Variants in LUC7L2 observed in about 807,000 individuals in gnomAD.
LUC7L2 encodes the protein putative RNA-binding protein Luc7-like 2.
LUC7L2 carries 25 observed loss-of-function variants against 52.8 expected under a neutral mutation model. The observed-to-expected ratio is 0.47, with a 90% CI of 0.34 to 0.66. The LOEUF (loss-of-function observed/expected upper bound fraction) is 0.66, where lower values mean the gene tolerates loss of function less well. Ranked by LOEUF, LUC7L2 falls within the 30% of genes least tolerant of loss-of-function variation. The pLI is 0.01. For synonymous variants in LUC7L2, 144 were observed against 160.9 expected, an observed-to-expected ratio of 0.89 and a Z score of 0.80; for missense variants, 328 against 497.8, an observed-to-expected ratio of 0.66 and a Z score of 3.25.
chr7:139,417,793 T>C (rs1795690952), intron 9 of LUC7L2, 64 bp downstream of exon 9: 21 of 1,527,876 alleles, frequency 1.4e-5, no homozygotes, highest in Non-Finnish European at 1.9e-5. Flanking sequence ...TTATGTTTAC[T>C]TATGTTACTT....
chr7:139,361,426 T>G (rs770016649), intron 1 of LUC7L2, among the ~76,000 whole-genome samples: 2 of 152,278 alleles, frequency 1.3e-5, no homozygotes, highest in African/African-American at 2.4e-5. Context: ...TTAATTTACA[T>G]GAGTGCTTTA....
chr7:139,353,965 A>C (rs1478445782), intron 1 of LUC7L2, among the ~76,000 whole-genome samples: 1 of 151,546 alleles, frequency 6.6e-6, no homozygotes, highest in Non-Finnish European at 1.5e-5. Flanking sequence ...AAATACAAAA[A>C]ATTAGCTGGG....
chr7:139,371,367 C>T (rs1305209035), intron 1 of LUC7L2: 2 of 837,652 alleles, frequency 2.4e-6, no homozygotes, highest in Non-Finnish European at 4.0e-6. Flanking sequence ...CAATACTAAA[C>T]TCAGTTCACT....
At chr7:139,371,209 A>G (rs1800434481) in intron 1 of LUC7L2, among the ~76,000 whole-genome samples, 1 of 152,170 alleles carries the variant, frequency 6.6e-6, no homozygotes, top group Non-Finnish European at 1.5e-5. Context: ...TGTTTTCCCT[A>G]AGCTAAGCTC....
chr7:139,415,056 T>A (rs1295762759), intron 8 of LUC7L2, among the ~76,000 whole-genome samples: 1 of 134,904 alleles, frequency 7.4e-6, no homozygotes, highest in African/African-American at 2.7e-5. Context: ...CCTGCTAAGT[T>A]TTTTTTTTTT....
chr7:139,397,880 T>G (rs1188814634), intron 2 of LUC7L2, among the ~76,000 whole-genome samples: 1 of 152,140 alleles, frequency 6.6e-6, no homozygotes, highest in Non-Finnish European at 1.5e-5. Flanking sequence ...TTATTATAAG[T>G]GGGATTAAAT....
Position 139,360,117 on chromosome 7 carries a change from C to T in LUC7L2, c.-145C>T. ...GCAGTCCGGACTCTTCCCGCAACCC[C>T]TCCGGCTCCCTTTCCGCACGCCTCG... On this transcript the variant is annotated 5_prime_UTR_variant, in exon 1 of 10. Transcript: ENST00000354926. 1.6e-6 allele frequency: 1 copy of T among 608,176 alleles called. No homozygotes were observed. Among genetic ancestry groups the T allele is most frequent in the South Asian group, 1.9e-5 (1 of 52,306 alleles). The allele number at this position is 608,176 out of a possible 1,614,324, so 37.7% of individuals were successfully genotyped here. A position where few individuals can be genotyped will look rare whatever the true frequency, so the allele number is the denominator to read the frequency against.
chr7:139,355,871 A>G (rs1463587329), upstream of LUC7L2, among the ~76,000 whole-genome samples: 1 of 152,248 alleles, frequency 6.6e-6, no homozygotes, highest in African/African-American at 2.4e-5. Flanking sequence ...TGGATTCTCA[A>G]TGAACGAATG....
chr7:139,346,257 A>AT (rs10692507), intron 1 of LUC7L2: 1 of 151,920 alleles, frequency 6.6e-6, no homozygotes, highest in Non-Finnish European at 1.5e-5. Flanking sequence ...AAAAAAAAAA[A>AT]TTAGTATAAG....
At chr7:139,377,902 C>T (rs545428902) in intron 2 of LUC7L2, among the ~76,000 whole-genome samples, 1 of 150,380 alleles carries the variant, frequency 6.6e-6, no homozygotes, top group Non-Finnish European at 1.5e-5. Flanking sequence ...ACTGCAGCCT[C>T]CACCTCCCGG....
chr7:139,403,552 G>A (rs1247558213), intron 4 of LUC7L2, among the ~76,000 whole-genome samples: 1 of 152,046 alleles, frequency 6.6e-6, no homozygotes, highest in Non-Finnish European at 1.5e-5. Context: ...CTGGAAAGAC[G>A]GGCATCCTGA....
chr7:139,405,288 A>G (rs7788311), intron 4 of LUC7L2, among the ~76,000 whole-genome samples: 8,139 of 152,270 alleles, frequency 0.053, 742 homozygotes, highest in African/African-American at 0.19. Context: ...ACAACAGGGT[A>G]AGTTTGGGGA....
chr7:139,395,816 T>G (rs1217955023), intron 2 of LUC7L2, among the ~76,000 whole-genome samples: 1 of 152,090 alleles, frequency 6.6e-6, no homozygotes, highest in East Asian at 1.9e-4. Context: ...AATTTTTTTC[T>G]TTTTTACTTT....
At chr7:139,408,807 A>G (rs979428117) in intron 6 of LUC7L2, among the ~76,000 whole-genome samples, 2 of 147,418 alleles carry the variant, frequency 1.4e-5, no homozygotes, top group Admixed American at 7.0e-5. Context: ...GTGCCACTGC[A>G]CTCCAACCTG....
chr7:139,360,298 C>T lies in LUC7L2; in HGVS notation c.37C>T (p.Gln13Ter). The T allele has an allele frequency of 6.4e-7, 1 of 1,573,672 alleles. No individual in the cohort carries two copies. The highest frequency in any genetic ancestry group is 8.6e-7 in the Non-Finnish European group (1 of 1,160,578). Residue 13 changes from glutamine (Q) to a stop codon, truncating the protein, a stop_gained, in exon 1 of 10, where the codon CAG becomes TAG. Coordinates refer to ENST00000354926, the MANE Select transcript of LUC7L2 (RefSeq NM_016019.5). LOFTEE classifies it high-confidence loss of function. ...AQAQMRAMLD[Q>*]LMGTSRDGDT... ...GGCCCAGATGCGCGCGATGCTGGAC[C>T]AGTTGATGGGCACCTCCCGGGACGG...
At chr7:139,383,899 AATTATTATT>A (rs559078924) in intron 2 of LUC7L2, among the ~76,000 whole-genome samples, 3 of 150,216 alleles carry the variant, frequency 2.0e-5, no homozygotes, top group South Asian at 2.1e-4. Context: ...ATGCCTGGCT[AATTATTATT>A]ATTATTATTA....
chr7:139,351,828 C>G (rs1390084970), intron 1 of LUC7L2, among the ~76,000 whole-genome samples: 1 of 152,230 alleles, frequency 6.6e-6, no homozygotes, highest in Non-Finnish European at 1.5e-5. Flanking sequence ...GGTTAAATTT[C>G]ACTTTCTTTT....
chr7:139,383,220 A>G (rs967856952), intron 2 of LUC7L2, among the ~76,000 whole-genome samples: 6 of 151,964 alleles, frequency 3.9e-5, no homozygotes, highest in Middle Eastern at 3.4e-3. Context: ...GGTTCAAGCA[A>G]TTCTCCCACC....
At chr7:139,349,614 T>TCCC (rs10581534) in intron 1 of LUC7L2, among the ~76,000 whole-genome samples, 9 of 134,326 alleles carry the variant, frequency 6.7e-5, no homozygotes, top group East Asian at 2.2e-4. Context: ...TGTCAACTGC[T>TCCC]CCCCCCCCCC....
Sources: allele counts gnomAD v4.1 joint callset (sites outside exome capture counted in the v4.1 genomes callset), GRCh38; gene constraint gnomAD v4.1.1; transcripts MANE v1.5; gene names NCBI Gene and HGNC (gene_info 2026-07-23, HGNC 2026-07-21).